The following TG variants were observed in gnomAD, a reference collection of about 807,000 sequenced individuals.
TG encodes the protein thyroid hormones.
TG carries 270 observed loss-of-function variants against 324.7 expected under a neutral mutation model. That is an observed-to-expected ratio of 0.83 (90% CI 0.75 to 0.92). TG has a LOEUF of 0.92. TG is among the 40% of genes least tolerant of loss of function. TG has a pLI of 0.00. For synonymous variants in TG, 1,401 were observed against 1,327.0 expected (o/e 1.06, Z -1.21); for missense variants, 3,591 against 3,456.4 (o/e 1.04, Z -0.98).
intron 8 of TG, 32 bp downstream of exon 8, chr8:132,883,031 C>T (rs1439268859): frequency 1.2e-5 from 19 of 1,606,642 alleles, no homozygotes; most frequent in African/African-American, 2.7e-5. Context: ...CCTCTTTCGG[C>T]CTCGGATCAT....
At chr8:132,906,959 A>T in intron 17 of TG, 59 bp downstream of exon 17, 1 of 1,532,984 alleles carries the variant, frequency 6.5e-7, no homozygotes, top group Non-Finnish European at 8.8e-7. Flanking sequence ...TAGGGCTGGG[A>T]CCGAGATATG....
intron 41 of TG, among the ~76,000 whole-genome samples, chr8:133,033,139 A>G (rs555095812): frequency 6.6e-6 from 1 of 152,166 alleles, no homozygotes; most frequent in African/African-American, 2.4e-5. Context: ...TGGAGAAAAC[A>G]CTTCACCTTG....
intron 25 of TG, among the ~76,000 whole-genome samples, chr8:132,940,485 GA>G (rs1271334112): frequency 6.6e-5 from 10 of 152,044 alleles, no homozygotes; most frequent in Non-Finnish European, 5.9e-5. Flanking sequence ...TAGACCAATG[GA>G]AAAAAACATT....
intron 11 of TG, among the ~76,000 whole-genome samples, chr8:132,894,710 C>T (rs1399464863): frequency 3.9e-5 from 6 of 152,204 alleles, no homozygotes; most frequent in East Asian, 1.9e-4. Context: ...ATCTGTCTGC[C>T]TCGGCCTCCC....
intron 41 of TG, among the ~76,000 whole-genome samples, chr8:133,083,720 TATTTGAAGAGG>T (rs1208948905): frequency 1.3e-5 from 2 of 152,210 alleles, no homozygotes; most frequent in Admixed American, 6.5e-5. Flanking sequence ...ATAATTATTT[TATTTGAAGAGG>T]ATTTGAAGAG....
chr8:132,869,234 C>T (rs1313262567), intron 2 of TG, among the ~76,000 whole-genome samples: 1 of 152,190 alleles, frequency 6.6e-6, no homozygotes, highest in Non-Finnish European at 1.5e-5. Context: ...TACCTCTGAC[C>T]ATCCTGCAGG....
intron 18 of TG, 71 bp downstream of exon 18, chr8:132,908,411 G>A (rs1818999423): frequency 6.8e-7 from 1 of 1,478,072 alleles, no homozygotes; most frequent in Admixed American, 2.1e-5. Context: ...AAAACCTGAG[G>A]GCTCACATTA....
chr8:133,043,283 C>T (rs1838671699), intron 41 of TG, among the ~76,000 whole-genome samples: 1 of 152,046 alleles, frequency 6.6e-6, no homozygotes, highest in South Asian at 2.1e-4. Flanking sequence ...AGAAGCTTTG[C>T]TAGGACAGCA....
intron 26 of TG, among the ~76,000 whole-genome samples, chr8:132,946,322 G>T (rs542987691): frequency 6.6e-6 from 1 of 152,102 alleles, no homozygotes; most frequent in East Asian, 1.9e-4. Context: ...GATATTTCTG[G>T]CTGGCAGCTT....
intron 41 of TG, among the ~76,000 whole-genome samples, chr8:133,053,413 C>T (rs767699371): frequency 5.9e-5 from 9 of 152,182 alleles, no homozygotes; most frequent in Non-Finnish European, 1.3e-4. Flanking sequence ...ATGTGCAGAG[C>T]GGTCCCTGTG....
chr8:133,037,941 T>TC (rs1837394803), intron 41 of TG: 1 of 153,384 alleles, frequency 6.5e-6, no homozygotes, highest in African/African-American at 2.4e-5. Context: ...CAAAGGTATC[T>TC]CCCAATTGAA....
At position 132,881,841 on chromosome 8, in the gene TG, C is replaced by T. The variant is rs148514798; in HGVS notation, c.639-22C>T. On this transcript the variant is annotated intron_variant, in intron 5 of 47. Coordinates refer to ENST00000220616, the MANE Select transcript of TG (RefSeq NM_003235.5). ...ATGACTTGCCTTTATGAATGGTGAC[C>T]GTAAATCTCATTCTCTCCAAGGTTT... 7,381 of 1,548,396 alleles carry T rather than the reference C, an allele frequency of 4.8e-3. 35 individuals are homozygous for T. The highest frequency in any genetic ancestry group is 0.014 in the Middle Eastern group (82 of 5,956).
At position 132,901,571 on chromosome 8, in the gene TG, G is replaced by C; in HGVS notation, c.3634+18G>C. 1 of 1,608,172 alleles carries C rather than the reference G, an allele frequency of 6.2e-7. No homozygotes were observed. The highest frequency in any genetic ancestry group is 8.5e-7 in the Non-Finnish European group (1 of 1,177,012). ...CTGTGAGAGTAAGTCATGACCCCCT[G>C]GGGGGACGACGAGGCCTGCATATCT... On this transcript the variant is annotated intron_variant, in intron 16 of 47. Transcript: ENST00000220616.
At position 132,983,217 on chromosome 8, in the gene TG, A is replaced by G. The variant is rs572272936; in HGVS notation, c.6200-133A>G. The G allele has an allele frequency of 2.2e-5, 20 of 910,830 alleles. No individual in the cohort carries two copies. The South Asian group carries it at 2.5e-4, about 11-fold the overall frequency. The allele number at this position is 910,830 out of a possible 1,614,324, so 56.4% of individuals were successfully genotyped here. The stretch of plus-strand genomic sequence containing the variant: ...CATCATCCAGCCCACCCTGACCGAT[A>G]CAGGTTGGGACAATCTGTCTGCCTT... On this transcript the variant is annotated intron_variant, in intron 34 of 47. Coordinates refer to ENST00000220616, the MANE Select transcript of TG (RefSeq NM_003235.5).
At chr8:132,984,269 A>C (rs1831255220) in intron 35 of TG, among the ~76,000 whole-genome samples, 1 of 152,230 alleles carries the variant, frequency 6.6e-6, no homozygotes, top group Non-Finnish European at 1.5e-5. Flanking sequence ...ATGTAGGAGG[A>C]AATTATTTAA....
chr8:133,005,206 C>T (rs1269790814), intron 35 of TG, among the ~76,000 whole-genome samples: 3 of 152,146 alleles, frequency 2.0e-5, no homozygotes, highest in Non-Finnish European at 2.9e-5. Context: ...GCCCATGGCA[C>T]CGCAGGCACA....
At position 133,126,632 on chromosome 8, in the gene TG, A is replaced by T. The variant is rs534061221; in HGVS notation, c.7863-5180A>T. On this transcript the variant is annotated intron_variant, in intron 45 of 47. Transcript: ENST00000220616. ...AGGGAGCTTATTTTTAAAGGATTGCATAGCAAATTCTCTTGTAAAACACAA... is the reference window on the plus strand; with the variant it reads ...AGGGAGCTTATTTTTAAAGGATTGCTTAGCAAATTCTCTTGTAAAACACAA... Among the ~76,000 whole-genome samples the T allele has an allele frequency of 3.9e-5, 6 of 152,306 alleles. No individual in the cohort carries two copies. In the South Asian group the frequency reaches 1.0e-3, roughly 26 times the overall value.
At chr8:133,100,656 C>T (rs1265195536) in intron 43 of TG, among the ~76,000 whole-genome samples, 1 of 152,152 alleles carries the variant, frequency 6.6e-6, no homozygotes, top group East Asian at 1.9e-4. Context: ...TCCAAATATC[C>T]TCTTCCCATG....
chr8:132,937,261 T>C (rs1284657637), intron 25 of TG, among the ~76,000 whole-genome samples: 2 of 152,104 alleles, frequency 1.3e-5, no homozygotes, highest in Non-Finnish European at 2.9e-5. Flanking sequence ...GCTCGGGGCT[T>C]CCAGCAGCTT....
Sources: allele counts gnomAD v4.1 joint callset (sites outside exome capture counted in the v4.1 genomes callset), GRCh38; gene constraint gnomAD v4.1.1; transcripts MANE v1.5; gene names NCBI Gene and HGNC (gene_info 2026-07-23, HGNC 2026-07-21).